The following MAF variants were observed in gnomAD, a reference collection of about 807,000 sequenced individuals.
MAF encodes the protein transcription factor Maf.
Under a neutral mutation model 22.0 loss-of-function variants are expected in MAF, and 10 were observed. The ratio of observed to expected loss-of-function variants is 0.45; its 90% CI spans 0.28 to 0.77. The LOEUF (loss-of-function observed/expected upper bound fraction) is 0.77, where lower values mean the gene tolerates loss of function less well. MAF is among the 30% of genes least tolerant of loss of function. The pLI, the probability that MAF is intolerant of heterozygous loss-of-function variation, is 0.12. For missense variants in MAF, 544 were observed against 548.4 expected, an observed-to-expected ratio of 0.99 and a Z score of 0.08; for synonymous variants, 337 against 255.8, an observed-to-expected ratio of 1.32 and a Z score of -3.03.
At chr16:79,221,720 TGTGTGTGC>T in the MAF span, among the ~76,000 whole-genome samples, 28 of 152,170 alleles carry the variant, frequency 1.8e-4, no homozygotes, top group African/African-American at 6.7e-4. Context: ...TGTGTATGTG[TGTGTGTGC>T]ACGTGTGTAC....
chr16:79,431,337 GATTTGAATTCCAC>G, the MAF span, among the ~76,000 whole-genome samples: 1 of 152,166 alleles, frequency 6.6e-6, no homozygotes, highest in African/African-American at 2.4e-5. Context: ...CTGCAATCTG[GATTTGAATTCCAC>G]TTAGACCATA....
the MAF span, among the ~76,000 whole-genome samples, chr16:79,346,269 A>G: frequency 1.3e-5 from 2 of 149,726 alleles, no homozygotes; most frequent in African/African-American, 4.9e-5. Context: ...GAGTGAGAAC[A>G]TGCAGTGTTT....
chr16:79,245,628 C>G, the MAF span, among the ~76,000 whole-genome samples: 1 of 151,956 alleles, frequency 6.6e-6, no homozygotes, highest in Non-Finnish European at 1.5e-5. Flanking sequence ...AGTAGTTCAA[C>G]CATTGTGGAA....
At chr16:79,466,561 T>G in the MAF span, among the ~76,000 whole-genome samples, 2 of 152,234 alleles carry the variant, frequency 1.3e-5, no homozygotes, top group Admixed American at 6.5e-5. Flanking sequence ...TGGATCTTCC[T>G]CAGGTTGGCA....
the MAF span, among the ~76,000 whole-genome samples, chr16:79,240,487 GAAAA>G: frequency 1.6e-5 from 1 of 60,732 alleles, no homozygotes; most frequent in African/African-American, 3.2e-5. Context: ...AGCATCTCTG[GAAAA>G]AAAAAAAAAA....
Position 79,600,056 on chromosome 16 carries a change from G to A in MAF, c.-154C>T, listed in dbSNP as rs1913918969. ...GCGGTGGCTGGCCCGAAACCTCCGA[G>A]CGCGCTCACACACACACCCCCCCGC... On this transcript the variant is annotated 5_prime_UTR_variant, in exon 1 of 2. Coordinates refer to ENST00000326043, the MANE Select transcript of MAF (RefSeq NM_005360.5). The A allele has an allele frequency of 2.9e-6, 3 of 1,020,064 alleles. No homozygotes were observed. Among genetic ancestry groups the A allele is most frequent in the Non-Finnish European group, 4.3e-6 (3 of 703,290 alleles). 63.2% of individuals were successfully genotyped at this position (1,020,064 alleles called of 1,614,324 possible). A position where few individuals can be genotyped will look rare whatever the true frequency, so the allele number is the denominator to read the frequency against.
At chr16:79,315,616 G>A in the MAF span, among the ~76,000 whole-genome samples, 6 of 152,182 alleles carry the variant, frequency 3.9e-5, no homozygotes, top group South Asian at 2.1e-4. Context: ...CTAATACTGA[G>A]TGATGAATCT....
intron 1 of MAF, chr16:79,598,445 C>CG (rs879026604): frequency 0.09 from 30,397 of 337,766 alleles, 495 homozygotes; most frequent in Non-Finnish European, 0.11. Context: ...GGGGGTGGGG[C>CG]GGGGGGGTGT....
At chr16:79,210,096 GTTA>G in the MAF span, among the ~76,000 whole-genome samples, 21 of 152,284 alleles carry the variant, frequency 1.4e-4, no homozygotes, top group African/African-American at 5.1e-4. Context: ...CAAGCAGCCA[GTTA>G]TTATCAAAAC....
At chr16:79,411,287 T>C in the MAF span, among the ~76,000 whole-genome samples, 1 of 152,252 alleles carries the variant, frequency 6.6e-6, no homozygotes, top group Admixed American at 6.5e-5. Flanking sequence ...ATAACCTCTT[T>C]GGTGAATTAA....
At chr16:79,534,075 C>G in the MAF span, among the ~76,000 whole-genome samples, 1 of 152,160 alleles carries the variant, frequency 6.6e-6, no homozygotes, top group South Asian at 2.1e-4. Flanking sequence ...AACTACAATC[C>G]CTTGAGGAAA....
At chr16:79,363,553 G>A in the MAF span, among the ~76,000 whole-genome samples, 92 of 152,304 alleles carry the variant, frequency 6.0e-4, no homozygotes, top group Middle Eastern at 6.8e-3. Context: ...CACTGGAAGC[G>A]TGGTTTCTAC....
chr16:79,439,376 C>G, the MAF span, among the ~76,000 whole-genome samples: 1 of 149,976 alleles, frequency 6.7e-6, no homozygotes, highest in African/African-American at 2.5e-5. Context: ...GTTCTCCTGT[C>G]TCAGCCTCCC....
chr16:79,581,232 G>T (rs1324179876), downstream of MAF, among the ~76,000 whole-genome samples: 1 of 152,170 alleles, frequency 6.6e-6, no homozygotes, highest in East Asian at 1.9e-4. Context: ...AGAATGTTCA[G>T]CCCAGTAAGA....
At chr16:79,448,526 G>A in the MAF span, among the ~76,000 whole-genome samples, 1 of 151,920 alleles carries the variant, frequency 6.6e-6, no homozygotes, top group African/African-American at 2.4e-5. Context: ...CCCAGGTCCA[G>A]GCAATTATCC....
the MAF span, among the ~76,000 whole-genome samples, chr16:79,394,108 C>T: frequency 2.3e-4 from 35 of 152,138 alleles, no homozygotes; most frequent in Non-Finnish European, 7.3e-5. Flanking sequence ...TGTGTGGTTG[C>T]CCATGGAGTT....
the MAF span, among the ~76,000 whole-genome samples, chr16:79,424,262 T>C: frequency 2.6e-5 from 4 of 152,130 alleles, no homozygotes; most frequent in African/African-American, 9.7e-5. Context: ...TGAAAAATCA[T>C]GCATTTAAAA....
chr16:79,204,396 T>C, the MAF span: 1 of 152,136 alleles, frequency 6.6e-6, no homozygotes, highest in African/African-American at 2.4e-5. Context: ...GCCGTTTCTT[T>C]TTCCTTCCCT....
the MAF span, among the ~76,000 whole-genome samples, chr16:79,492,340 A>C: frequency 1.2e-4 from 19 of 152,300 alleles, 1 homozygote; most frequent in African/African-American, 4.6e-4. Flanking sequence ...AATTAATACA[A>C]AAAGTCAAAA....
Sources: gnomAD v4.1 joint callset for allele counts (sites outside exome capture counted in the v4.1 genomes callset) on GRCh38, gnomAD v4.1.1 for gene constraint, MANE v1.5 for transcripts, NCBI Gene and HGNC (gene_info 2026-07-23, HGNC 2026-07-21) for gene names.